Variants in SYTL5 observed in about 807,000 individuals in gnomAD.
SYTL5 encodes synaptotagmin like 5.
SYTL5 carries 34 observed loss-of-function variants against 55.9 expected under a neutral mutation model. The observed-to-expected ratio is 0.61, with a 90% confidence interval of 0.46 to 0.81. SYTL5 has a LOEUF of 0.81. Ranked by LOEUF, SYTL5 falls within the 30% of genes least tolerant of loss-of-function variation. The pLI is 0.00. For missense variants in SYTL5, 637 were observed against 546.7 expected (o/e 1.17, Z -1.65); for synonymous variants, 221 against 188.7 (o/e 1.17, Z -1.40).
intron 1 of SYTL5, among the ~76,000 whole-genome samples, chrX:38,022,788 G>A (rs937352217): frequency 8.9e-6 from 1 of 112,291 alleles, no homozygotes; most frequent in Non-Finnish European, 1.9e-5. Context: ...ATCATAGATA[G>A]CTAAGCTAAA....
intron 2 of SYTL5, among the ~76,000 whole-genome samples, chrX:38,045,671 TTC>T (rs1196548464): frequency 7.1e-5 from 8 of 112,545 alleles, no homozygotes; most frequent in Non-Finnish European, 1.5e-4. Context: ...TAAACAAGTG[TTC>T]TTTTACTCCT....
At chrX:38,114,522 C>T (rs749383486) in intron 13 of SYTL5, among the ~76,000 whole-genome samples, 1 of 111,551 alleles carries the variant, frequency 9.0e-6, no homozygotes, top group African/African-American at 3.3e-5. Flanking sequence ...CAAACACACA[C>T]AATATATTTC....
At chrX:38,043,661 GTATATATATATATATATA>G (rs35312093) in intron 2 of SYTL5, among the ~76,000 whole-genome samples, 3 of 50,161 alleles carry the variant, frequency 6.0e-5, no homozygotes, top group South Asian at 1.1e-3. Flanking sequence ...ATGTATGTAT[GTATATATATATATATATA>G]TATATATATA....
At chrX:38,103,122 T>C (rs1416548675) in intron 10 of SYTL5, 2 of 1,056,067 alleles carry the variant, frequency 1.9e-6, no homozygotes, top group Admixed American at 5.4e-5. Flanking sequence ...TTTTGTTCTT[T>C]CCAACCATAC....
At chrX:38,087,867 T>G (rs756250683) in intron 6 of SYTL5, among the ~76,000 whole-genome samples, 1 of 111,910 alleles carries the variant, frequency 8.9e-6, no homozygotes, top group South Asian at 3.8e-4. Flanking sequence ...TATCACATGC[T>G]AACTCTATGA....
intron 13 of SYTL5, among the ~76,000 whole-genome samples, chrX:38,111,092 C>G (rs974638400): frequency 8.9e-6 from 1 of 111,781 alleles, no homozygotes; most frequent in Non-Finnish European, 1.9e-5. Flanking sequence ...ACTGGAGTCT[C>G]TATGCATTTA....
chrX:38,055,706 C>T (rs970697997), intron 3 of SYTL5, among the ~76,000 whole-genome samples: 4 of 112,124 alleles, frequency 3.6e-5, no homozygotes, highest in Admixed American at 1.9e-4. Context: ...CTGTTGAAGA[C>T]GCCTATATTC....
intron 9 of SYTL5, among the ~76,000 whole-genome samples, chrX:38,096,999 A>T (rs946720683): frequency 9.0e-6 from 1 of 111,495 alleles, no homozygotes; most frequent in South Asian, 3.7e-4. Flanking sequence ...TTAAACTATT[A>T]AACTATTCGT....
intron 9 of SYTL5, 125 bp downstream of exon 9, chrX:38,096,359 C>A: frequency 2.8e-6 from 1 of 361,343 alleles, no homozygotes; most frequent in South Asian, 8.2e-5. Context: ...ATCATCTCTT[C>A]CTGTTAGTCT....
intron 9 of SYTL5, 104 bp downstream of exon 9, chrX:38,096,338 G>T: frequency 2.4e-6 from 1 of 416,325 alleles, no homozygotes; most frequent in Non-Finnish European, 4.2e-6. Flanking sequence ...AGAGTAAAGA[G>T]AGGATATACA....
chrX:37,921,099 G>A, the SYTL5 span, among the ~76,000 whole-genome samples: 8 of 111,155 alleles, frequency 7.2e-5, no homozygotes, highest in African/African-American at 2.6e-4. Context: ...TGATCTACTC[G>A]CTTGACTGAT....
chrX:38,007,725 G>A (rs1934038803), intron 1 of SYTL5, among the ~76,000 whole-genome samples: 2 of 111,386 alleles, frequency 1.8e-5, no homozygotes, highest in South Asian at 7.5e-4. Flanking sequence ...AATGCATGAA[G>A]CCATTTGTTT....
chrX:38,082,138 C>T, intron 6 of SYTL5, among the ~76,000 whole-genome samples: 1 of 111,956 alleles, frequency 8.9e-6, no homozygotes, highest in Middle Eastern at 4.7e-3. Context: ...CTCAGTAATT[C>T]AGCCACACCC....
At chrX:38,049,170 C>T (rs1298149613) in intron 2 of SYTL5, among the ~76,000 whole-genome samples, 1 of 111,774 alleles carries the variant, frequency 8.9e-6, no homozygotes, top group Admixed American at 9.5e-5. Context: ...TGTGGCCTTG[C>T]TCTCTTAATG....
At chrX:37,934,423 C>T in the SYTL5 span, among the ~76,000 whole-genome samples, 1 of 106,577 alleles carries the variant, frequency 9.4e-6, no homozygotes, top group Non-Finnish European at 1.9e-5. Flanking sequence ...AACTTTCAGT[C>T]GAGGTGTTCA....
chrX:38,022,004 T>G (rs1934569646), intron 1 of SYTL5, among the ~76,000 whole-genome samples: 1 of 112,592 alleles, frequency 8.9e-6, no homozygotes, highest in Non-Finnish European at 1.9e-5. Context: ...CTGGATAGAA[T>G]AGTATTTTTG....
intron 3 of SYTL5, among the ~76,000 whole-genome samples, chrX:38,055,071 T>A (rs1371887384): frequency 9.0e-6 from 1 of 111,655 alleles, no homozygotes; most frequent in East Asian, 2.8e-4. Flanking sequence ...GGGCCCCTCT[T>A]GGCTTCACGT....
At chrX:38,101,705 T>C (rs1265163530) in intron 9 of SYTL5, among the ~76,000 whole-genome samples, 1 of 109,693 alleles carries the variant, frequency 9.1e-6, no homozygotes, top group East Asian at 2.8e-4. Flanking sequence ...GATGATATAA[T>C]CAAAAATATT....
chrX:38,037,816 AG>A (rs1213000390), intron 2 of SYTL5, among the ~76,000 whole-genome samples: 40 of 110,562 alleles, frequency 3.6e-4, no homozygotes, highest in Middle Eastern at 4.6e-3. Context: ...ATAGATAGAT[AG>A]ATAGATAGAT....
Sources: gnomAD v4.1 joint callset for allele counts (sites outside exome capture counted in the v4.1 genomes callset) on GRCh38, gnomAD v4.1.1 for gene constraint, MANE v1.5 for transcripts, NCBI Gene and HGNC (gene_info 2026-07-23, HGNC 2026-07-21) for gene names.